CALCOCO2: variants seen among roughly 807,000 people sequenced by gnomAD.
CALCOCO2 encodes calcium-binding and coiled-coil domain-containing protein 2.
In CALCOCO2, 42 loss-of-function variants were observed where a neutral mutation model predicts 62.5. The observed-to-expected ratio is 0.67, with a 90% CI of 0.53 to 0.87. The LOEUF is 0.87. Ranked by LOEUF, CALCOCO2 falls within the 40% of genes least tolerant of loss-of-function variation. CALCOCO2 has a pLI of 0.00. For synonymous variants in CALCOCO2, 167 were observed against 173.0 expected (o/e 0.97, Z 0.27); for missense variants, 456 against 515.0 (o/e 0.89, Z 1.11).
chr17:48,855,978 G>A (rs2040209338), intron 9 of CALCOCO2, 114 bp from the exon 10 acceptor site: 3 of 478,814 alleles, frequency 6.3e-6, no homozygotes, highest in African/African-American at 2.0e-5. Context: ...TCCCAGTTGC[G>A]TTCTCCTCCA....
intron 1 of CALCOCO2, among the ~76,000 whole-genome samples, chr17:48,838,481 G>C (rs573949561): frequency 1.1e-4 from 16 of 152,134 alleles, no homozygotes; most frequent in African/African-American, 3.1e-4. Flanking sequence ...TTGGGAGGCC[G>C]AGGTGGGCTC....
At chr17:48,842,543 C>G (rs1598028944) in intron 2 of CALCOCO2, 1 of 152,262 alleles carries the variant, frequency 6.6e-6, no homozygotes, top group South Asian at 2.1e-4. Context: ...GAGTGTAGTT[C>G]ACTGCAGCCT....
intron 11 of CALCOCO2, 46 bp from the exon 12 acceptor site, chr17:48,862,230 G>C: frequency 7.8e-7 from 1 of 1,289,808 alleles, no homozygotes; most frequent in East Asian, 2.3e-5. Flanking sequence ...GGAGAAGCTA[G>C]GGATGGTATT....
In CALCOCO2 at chr17:48,863,992, C is replaced by A. The variant is rs1376972832; in HGVS notation, c.*987C>A. The A allele has an allele frequency of 6.6e-6, 1 of 151,066 alleles. No homozygotes were observed. The highest frequency in any genetic ancestry group is 2.4e-5 in the African/African-American group (1 of 41,038). The allele number at this position is 151,066 out of a possible 1,614,324, so 9.4% of individuals were successfully genotyped here. A position where few individuals can be genotyped will look rare whatever the true frequency, so the allele number is the denominator to read the frequency against. Reference sequence around the variant, plus strand: ...GATTAAATAAAAAAGAGTGTCCTGGCAGTTATCTTGAGGTGGGGAAGGAGG... The same window carrying A: ...GATTAAATAAAAAAGAGTGTCCTGGAAGTTATCTTGAGGTGGGGAAGGAGG... On this transcript the variant is annotated 3_prime_UTR_variant, in exon 13 of 13. Transcript: ENST00000258947.
In CALCOCO2 at chr17:48,858,698, G is replaced by C. The variant is rs543998480; in HGVS notation, c.1009-1616G>C. Among the ~76,000 whole-genome samples the C allele has an allele frequency of 1.1e-4, 16 of 152,000 alleles. No homozygotes were observed. The South Asian group carries it at 1.9e-3, about 18-fold the overall frequency. ...TTTTCCTGAGTTAGTTTGATTGTGG[G>C]GGGGGGCAGGTGCACACACAGTTTG... On this transcript the variant is annotated intron_variant, in intron 10 of 12. Coordinates refer to ENST00000258947, the MANE Select transcript of CALCOCO2 (RefSeq NM_005831.5).
Position 48,852,540 on chromosome 17 carries a change from A to G in CALCOCO2, c.737A>G (p.Lys246Arg). The change falls in exon 8 of 13, where the codon AAG becomes AGG. Residue 246 changes from lysine (K) to arginine (R), a missense_variant. Lys to Arg is a conservative substitution (Grantham distance 26). Around this residue, in one of 3 missense-constraint regions of CALCOCO2, gnomAD observed 236 missense variants for 225.3 expected, o/e 1.05. Transcript: ENST00000258947. The part of the protein sequence containing the change: ...QLSTQEKEME[K>R]LVQGDQDKTE... ...TCAACTCAAGAGAAAGAAATGGAGA[A>G]GCTTGTTCAGGGAGATCAAGATAAG... 6.2e-7 allele frequency: 1 copy of G among 1,613,652 alleles called. No individual in the cohort carries two copies. Among genetic ancestry groups the G allele is most frequent in the Non-Finnish European group, 8.5e-7 (1 of 1,179,604 alleles).
chr17:48,836,262 A>G (rs1393412797), intron 1 of CALCOCO2, among the ~76,000 whole-genome samples: 1 of 152,200 alleles, frequency 6.6e-6, no homozygotes, highest in African/African-American at 2.4e-5. Flanking sequence ...CACTTGAACC[A>G]GCCATGCCAG....
In CALCOCO2 at chr17:48,863,356, G is replaced by A. The variant is rs1260607344; in HGVS notation, c.*351G>A. 4 of 284,454 alleles carry A rather than the reference G, an allele frequency of 1.4e-5. No homozygotes were observed. In the East Asian group the frequency reaches 3.5e-4, roughly 25 times the overall value. 17.6% of individuals were successfully genotyped at this position (284,454 alleles called of 1,614,324 possible). A position where few individuals can be genotyped will look rare whatever the true frequency, so the allele number is the denominator to read the frequency against. ...GATTAGTTTTCCAAGTTGTCCCACT[G>A]CCATTCAAAGTCAGCCCTTGAGTGT... is the stretch of plus-strand genomic sequence containing the variant. On this transcript the variant is annotated 3_prime_UTR_variant, in exon 13 of 13. Coordinates refer to ENST00000258947, the MANE Select transcript of CALCOCO2 (RefSeq NM_005831.5).
intron 2 of CALCOCO2, chr17:48,846,178 CCAGGCTGGAGTGCAGAGGTGCAAT>C (rs1490645781): frequency 2.8e-6 from 2 of 725,206 alleles, no homozygotes; most frequent in Non-Finnish European, 2.2e-6. Context: ...GCTCTGTCAC[CCAGGCTGGAGTGCAGAGGTGCAAT>C]CTGGGCTCAC....
At chr17:48,842,154 CTTTTTT>C (rs200836727) in intron 2 of CALCOCO2, 2,732 of 136,348 alleles carry the variant, frequency 0.02, 42 homozygotes, top group South Asian at 0.11. Flanking sequence ...TTTTTCTTTT[CTTTTTT>C]TTTTTTTTTT....
In CALCOCO2 at chr17:48,862,298, C is replaced by G. The variant is rs371617583; in HGVS notation, c.1167C>G (p.Pro389=). 1.9e-6 allele frequency: 3 copies of G among 1,587,492 alleles called. No homozygotes were observed. In the African/African-American group the frequency reaches 4.0e-5, roughly 21 times the overall value. The part of the protein sequence containing the change: ...PYSGIQESSS[P]SPLSIKKCPI... ...CAGGTATCCAAGAAAGTTCTTCCCC[C>G]AGCCCGGTAAGTATTTGATTCATGA... Residue 389 remains proline (P), a synonymous_variant, in exon 12 of 13, where the codon CCC becomes CCG. Transcript: ENST00000258947.
rs1052433759 is a variant in CALCOCO2 at position 48,864,824 on chromosome 17, T to C, written c.*1819T>C. 1.1e-4 allele frequency: 16 copies of C among 152,198 alleles called. No homozygotes were observed. Among genetic ancestry groups the C allele is most frequent in the Non-Finnish European group, 2.4e-4 (16 of 68,034 alleles). The allele number at this position is 152,198 out of a possible 1,614,324, so 9.4% of individuals were successfully genotyped here. A position where few individuals can be genotyped will look rare whatever the true frequency, so the allele number is the denominator to read the frequency against. ...CCTGAGATTAACACTAACCCTAGAA[T>C]AGAAATGTAATAGGGAGATGGTAAT... On this transcript the variant is annotated 3_prime_UTR_variant, in exon 13 of 13. Coordinates refer to ENST00000258947, the MANE Select transcript of CALCOCO2 (RefSeq NM_005831.5).
chr17:48,857,992 T>C (rs534807106), intron 10 of CALCOCO2, among the ~76,000 whole-genome samples: 19 of 18,572 alleles, frequency 1.0e-3, no homozygotes, highest in Non-Finnish European at 2.0e-3. Flanking sequence ...TAGAATAGAA[T>C]AGAATAGAAT....
intron 1 of CALCOCO2, among the ~76,000 whole-genome samples, chr17:48,836,303 C>G (rs2039889650): frequency 6.6e-6 from 1 of 152,166 alleles, no homozygotes; most frequent in Admixed American, 6.5e-5. Context: ...AGTGACTTAG[C>G]ACTTGGAGAT....
intron 9 of CALCOCO2, among the ~76,000 whole-genome samples, chr17:48,854,396 ATTTT>A (rs1226127478): frequency 5.2e-4 from 1 of 1,910 alleles, no homozygotes; most frequent in African/African-American, 8.3e-4. Context: ...ATATATATAT[ATTTT>A]TTTTTTTTTT....
At chr17:48,837,168 G>C (rs1303917284) in intron 1 of CALCOCO2, among the ~76,000 whole-genome samples, 2 of 152,194 alleles carry the variant, frequency 1.3e-5, no homozygotes. Flanking sequence ...GCTTAGGACA[G>C]AGGGATATGC....
chr17:48,832,986 T>G (rs576323960), intron 1 of CALCOCO2, among the ~76,000 whole-genome samples: 1 of 152,158 alleles, frequency 6.6e-6, no homozygotes, highest in African/African-American at 2.4e-5. Context: ...GGGTGTAAAA[T>G]TTTTGTAAGA....
Position 48,863,137 on chromosome 17 carries a change from C to A in CALCOCO2, c.*132C>A. ...ATTTACTCAGCCCTGCTGCCGCTAACAGTGGAGTTATGTCACTGATCTGAA... is the reference window on the plus strand; with the variant it reads ...ATTTACTCAGCCCTGCTGCCGCTAAAAGTGGAGTTATGTCACTGATCTGAA... On this transcript the variant is annotated 3_prime_UTR_variant, in exon 13 of 13. Transcript: ENST00000258947. 1.4e-6 allele frequency: 1 copy of A among 704,188 alleles called. No individual in the cohort carries two copies. Among genetic ancestry groups the A allele is most frequent in the South Asian group, 1.6e-5 (1 of 61,238 alleles). 43.6% of individuals were successfully genotyped at this position (704,188 alleles called of 1,614,324 possible).
chr17:48,857,009 C>T (rs998090027), intron 10 of CALCOCO2, among the ~76,000 whole-genome samples: 10 of 151,462 alleles, frequency 6.6e-5, no homozygotes, highest in African/African-American at 2.4e-4. Flanking sequence ...GCTGTGTTGC[C>T]CAAGCTGCTC....
Sources: gnomAD v4.1 joint callset for allele counts (sites outside exome capture counted in the v4.1 genomes callset) on GRCh38, gnomAD v4.1.1 for gene constraint, gnomAD v4.1.1 regional missense constraint, MANE v1.5 for transcripts, NCBI Gene and HGNC (gene_info 2026-07-23, HGNC 2026-07-21) for gene names.